INPP4B: variants seen among roughly 807,000 people sequenced by gnomAD.
INPP4B encodes inositol polyphosphate 4-phosphatase type II.
In INPP4B, 55 loss-of-function variants were observed where a neutral mutation model predicts 122.5. That is an observed-to-expected ratio of 0.45 (90% CI 0.36 to 0.56). The LOEUF is 0.56. Among genes scored for constraint, INPP4B ranks in the 20% least tolerant of loss-of-function variants. The pLI is 0.00. For synonymous variants in INPP4B, 403 were observed against 388.7 expected (o/e 1.04, Z -0.43); for missense variants, 1,000 against 1,097.7 (o/e 0.91, Z 1.26).
chr4:142,809,618 T>A (rs1561094769), intron 1 of INPP4B, among the ~76,000 whole-genome samples: 1 of 152,146 alleles, frequency 6.6e-6, no homozygotes, highest in Admixed American at 6.5e-5. Context: ...TATTCTGTCA[T>A]CCTGGGAAAA....
chr4:142,379,047 C>T (rs1213673196), intron 7 of INPP4B, among the ~76,000 whole-genome samples: 1 of 152,172 alleles, frequency 6.6e-6, no homozygotes, highest in Non-Finnish European at 1.5e-5. Flanking sequence ...TCTTAGGAAG[C>T]TGCTTCCTCA....
chr4:142,096,381 T>G (rs1346921684), intron 23 of INPP4B, among the ~76,000 whole-genome samples: 1 of 152,146 alleles, frequency 6.6e-6, no homozygotes, highest in Non-Finnish European at 1.5e-5. Flanking sequence ...AACACAGACA[T>G]TGCAACATAG....
At position 142,023,374 on chromosome 4, in the gene INPP4B, A is replaced by G. The variant is rs1017162824; in HGVS notation, c.*5408T>C. ...AAAACAAATGCCAACCTTTCAGATG[A>G]GTACCACAAAAACCTAAAAGTTAAA... On this transcript the variant is annotated 3_prime_UTR_variant, in exon 26 of 26. Coordinates refer to ENST00000262992, the MANE Select transcript of INPP4B (RefSeq NM_001101669.3). 1 of 152,202 alleles carries G rather than the reference A, an allele frequency of 6.6e-6. No homozygotes were observed. The highest frequency in any genetic ancestry group is 2.4e-5 in the African/African-American group (1 of 41,460). 9.4% of individuals were successfully genotyped at this position (152,202 alleles called of 1,614,324 possible). A position where few individuals can be genotyped will look rare whatever the true frequency, so the allele number is the denominator to read the frequency against.
intron 20 of INPP4B, 114 bp from the exon 21 acceptor site, chr4:142,122,359 T>G: frequency 1.3e-6 from 1 of 790,164 alleles, no homozygotes; most frequent in Non-Finnish European, 2.2e-6. Context: ...AGTTTCTGAA[T>G]GCAGTGAACC....
chr4:142,465,723 G>A (rs779080241), intron 2 of INPP4B, among the ~76,000 whole-genome samples: 9 of 152,298 alleles, frequency 5.9e-5, no homozygotes, highest in Non-Finnish European at 1.2e-4. Flanking sequence ...CTAGTGGAAG[G>A]TGACCGGATC....
At chr4:142,688,753 A>G (rs2150713344) in intron 2 of INPP4B, among the ~76,000 whole-genome samples, 2 of 152,342 alleles carry the variant, frequency 1.3e-5, no homozygotes, top group South Asian at 4.1e-4. Context: ...CCATAAGATT[A>G]GAAATTATGG....
At chr4:142,243,181 C>T (rs1319219632) in intron 11 of INPP4B, among the ~76,000 whole-genome samples, 3 of 152,178 alleles carry the variant, frequency 2.0e-5, no homozygotes, top group Non-Finnish European at 4.4e-5. Flanking sequence ...TATGTTCTTC[C>T]ACAAAATGTA....
intron 2 of INPP4B, among the ~76,000 whole-genome samples, chr4:142,517,711 T>C (rs1386708552): frequency 6.6e-6 from 1 of 152,270 alleles, no homozygotes; most frequent in East Asian, 1.9e-4. Context: ...ATGGAGTCTA[T>C]TTCCATTGAA....
intron 2 of INPP4B, among the ~76,000 whole-genome samples, chr4:142,515,180 T>C (rs1222359706): frequency 2.6e-5 from 4 of 152,170 alleles, no homozygotes; most frequent in African/African-American, 4.8e-5. Flanking sequence ...CAAATTACTC[T>C]TTGAATGGCC....
At chr4:142,444,118 C>T (rs1562113078) in intron 3 of INPP4B, among the ~76,000 whole-genome samples, 1 of 152,070 alleles carries the variant, frequency 6.6e-6, no homozygotes, top group Non-Finnish European at 1.5e-5. Flanking sequence ...GTAAATAAAA[C>T]ATAATAACAG....
At chr4:142,256,207 G>A (rs1735919963) in intron 11 of INPP4B, among the ~76,000 whole-genome samples, 1 of 149,932 alleles carries the variant, frequency 6.7e-6, no homozygotes, top group South Asian at 2.1e-4. Context: ...TCAAAGCAGT[G>A]TGTAGAGGGA....
At chr4:142,608,544 T>TTAC (rs1452980003) in intron 2 of INPP4B, among the ~76,000 whole-genome samples, 6 of 152,150 alleles carry the variant, frequency 3.9e-5, no homozygotes, top group African/African-American at 1.4e-4. Flanking sequence ...TCTACTGTAT[T>TTAC]GCCAATGCCT....
At chr4:142,723,189 CA>C (rs1237389538) in intron 2 of INPP4B, among the ~76,000 whole-genome samples, 1 of 152,026 alleles carries the variant, frequency 6.6e-6, no homozygotes, top group Non-Finnish European at 1.5e-5. Context: ...AGTAAACCTA[CA>C]GTACATAAAA....
chr4:142,471,319 A>C (rs777560822), intron 2 of INPP4B, among the ~76,000 whole-genome samples: 6 of 152,204 alleles, frequency 3.9e-5, no homozygotes, highest in Non-Finnish European at 8.8e-5. Context: ...AAATGAAAAC[A>C]AAACCTAGCA....
chr4:142,131,668 C>T (rs925443167), intron 18 of INPP4B, among the ~76,000 whole-genome samples: 1 of 152,164 alleles, frequency 6.6e-6, no homozygotes, highest in Non-Finnish European at 1.5e-5. Flanking sequence ...TAATCACATG[C>T]CCTACAGCCG....
At chr4:142,836,138 C>T (rs553496408) in intron 1 of INPP4B, among the ~76,000 whole-genome samples, 2 of 152,220 alleles carry the variant, frequency 1.3e-5, no homozygotes, top group South Asian at 4.2e-4. Context: ...ATTTTGAAAT[C>T]TAATTCTCCT....
intron 1 of INPP4B, among the ~76,000 whole-genome samples, chr4:142,734,511 C>A (rs1766539971): frequency 6.6e-6 from 1 of 152,010 alleles, no homozygotes; most frequent in Non-Finnish European, 1.5e-5. Flanking sequence ...CAGGTATATT[C>A]CTTTTGCAAA....
chr4:142,253,738 G>A (rs374022188), intron 11 of INPP4B, among the ~76,000 whole-genome samples: 83 of 152,304 alleles, frequency 5.4e-4, no homozygotes, highest in African/African-American at 1.9e-3. Flanking sequence ...CTAGCACAGC[G>A]GTCTGAGATC....
At chr4:142,509,246 A>T (rs1233445163) in intron 2 of INPP4B, among the ~76,000 whole-genome samples, 1 of 152,146 alleles carries the variant, frequency 6.6e-6, no homozygotes, top group Non-Finnish European at 1.5e-5. Context: ...TTTATTTTTT[A>T]AATTTAAGTT....
Sources: gnomAD v4.1 joint callset for allele counts (sites outside exome capture counted in the v4.1 genomes callset) on GRCh38, gnomAD v4.1.1 for gene constraint, MANE v1.5 for transcripts, NCBI Gene and HGNC (gene_info 2026-07-23, HGNC 2026-07-21) for gene names.